KLF13: variants seen among roughly 807,000 people sequenced by gnomAD.
KLF13 encodes KLF transcription factor 13, also known as Krueppel-like factor 13.
KLF13 carries 8 observed loss-of-function variants against 16.7 expected under a neutral mutation model. The observed-to-expected ratio is 0.48, with a 90% CI of 0.28 to 0.87. The LOEUF (loss-of-function observed/expected upper bound fraction) is 0.87. Among genes scored for constraint, KLF13 ranks in the 40% least tolerant of loss-of-function variants. The pLI is 0.10. For missense variants in KLF13, 447 were observed against 452.2 expected (o/e 0.99, Z 0.10); for synonymous variants, 245 against 208.4 (o/e 1.18, Z -1.51).
chr15:31,401,129 T>C (rs1423544368), intron 2 of KLF13, among the ~76,000 whole-genome samples: 2 of 152,256 alleles, frequency 1.3e-5, no homozygotes, highest in South Asian at 4.1e-4. Flanking sequence ...GCCTACCAAG[T>C]AGCTGGGATT....
chr15:31,401,550 G>A lies in KLF13; in HGVS notation n.530-1878G>A, dbSNP rs1416173132. ...CACAGGGCCTGTGCTTGGGGTGAGA[G>A]CCTGTGCTGTGGAGCAGGAACCAGC... On this transcript the variant is annotated intron_variant and non_coding_transcript_variant, in intron 2 of 2. Transcript: ENST00000500533. Among the ~76,000 whole-genome samples, 4 of 152,334 alleles carry A rather than the reference G, an allele frequency of 2.6e-5. No individual in the cohort carries two copies. In the East Asian group the frequency reaches 7.7e-4, roughly 29 times the overall value.
At chr15:31,414,449 C>G (rs1024359815) in intron 1 of KLF13, among the ~76,000 whole-genome samples, 1 of 152,130 alleles carries the variant, frequency 6.6e-6, no homozygotes, top group Non-Finnish European at 1.5e-5. Context: ...AAAAAACATG[C>G]TTCTACTTAC....
At chr15:31,405,313 C>CA (rs955087000), downstream of KLF13, among the ~76,000 whole-genome samples, 10 of 151,926 alleles carry the variant, frequency 6.6e-5, no homozygotes, top group African/African-American at 1.2e-4. Flanking sequence ...GACTCCGTCT[C>CA]AAAAAAACAG....
chr15:31,333,524 T>G (rs924344850), intron 1 of KLF13, among the ~76,000 whole-genome samples: 6 of 152,180 alleles, frequency 3.9e-5, no homozygotes, highest in Admixed American at 1.3e-4. Flanking sequence ...GGTCATTGGG[T>G]AATATTTTGC....
At chr15:31,378,551 A>AG (rs2039684877), downstream of KLF13, among the ~76,000 whole-genome samples, 1 of 152,142 alleles carries the variant, frequency 6.6e-6, no homozygotes, top group Non-Finnish European at 1.5e-5. Context: ...CAGCTAGTGG[A>AG]GGAGGTGGCT....
At chr15:31,343,123 T>TGTGGTCATGAGTGGCCTCTTCTCTC (rs2039056777) in intron 1 of KLF13, among the ~76,000 whole-genome samples, 1 of 152,220 alleles carries the variant, frequency 6.6e-6, no homozygotes, top group Non-Finnish European at 1.5e-5. Flanking sequence ...GCTCTGCTCT[T>TGTGGTCATGAGTGGCCTCTTCTCTC]GTGGTCATGA....
chr15:31,433,533 G>C (rs1445840487), intron 1 of KLF13, among the ~76,000 whole-genome samples: 1 of 152,122 alleles, frequency 6.6e-6, no homozygotes, highest in Non-Finnish European at 1.5e-5. Flanking sequence ...TGTGTGCTCT[G>C]CACCCTGTAC....
rs1390506813 is a variant in KLF13, at chr15:31,375,081, T to TG, written c.*2785dup. On this transcript the variant is annotated 3_prime_UTR_variant, in exon 2 of 2. Coordinates refer to ENST00000307145, the MANE Select transcript of KLF13 (RefSeq NM_015995.4). ...GCGGTCCTTAGGCCCCGGCCTGGACTGGGAAATGGGGGTAGGGCACCAGGA... is the reference window on the plus strand; with the variant it reads ...GCGGTCCTTAGGCCCCGGCCTGGACTGGGGAAATGGGGGTAGGGCACCAGGA... 13 of 152,574 alleles carry TG rather than the reference T, an allele frequency of 8.5e-5. No homozygotes were observed. Among genetic ancestry groups the TG allele is most frequent in the Admixed American group, 2.6e-4 (4 of 15,288 alleles). 9.5% of individuals were successfully genotyped at this position (152,574 alleles called of 1,614,324 possible). A position where few individuals can be genotyped will look rare whatever the true frequency, so the allele number is the denominator to read the frequency against.
chr15:31,349,019 C>G (rs368668036), intron 1 of KLF13, among the ~76,000 whole-genome samples: 1 of 152,136 alleles, frequency 6.6e-6, no homozygotes, highest in East Asian at 1.9e-4. Flanking sequence ...GCCCCAATTC[C>G]TAAGACCATC....
chr15:31,431,869 A>T (rs1482802033), intron 1 of KLF13, among the ~76,000 whole-genome samples: 2 of 152,190 alleles, frequency 1.3e-5, no homozygotes, highest in Admixed American at 1.3e-4. Context: ...TGCGGATGCG[A>T]CCTTATCATT....
chr15:31,350,584 C>G (rs900161551), intron 1 of KLF13, among the ~76,000 whole-genome samples: 5 of 152,226 alleles, frequency 3.3e-5, no homozygotes, highest in African/African-American at 1.2e-4. Context: ...TTCTTTGTAC[C>G]TGTTCCATCC....
chr15:31,428,802 CAAAA>C (rs1218921356), intron 1 of KLF13, among the ~76,000 whole-genome samples: 147 of 61,888 alleles, frequency 2.4e-3, no homozygotes, highest in African/African-American at 9.2e-3. Flanking sequence ...GACTCTATCT[CAAAA>C]AAAAAAAAAA....
rs1412809460 is a variant in KLF13, at chr15:31,327,624, G to C, written c.412G>C (p.Gly138Arg). 2.2e-6 allele frequency: 3 copies of C among 1,355,632 alleles called. No homozygotes were observed. Among genetic ancestry groups the C allele is most frequent in the South Asian group, 1.6e-5 (1 of 63,344 alleles). The allele number at this position is 1,355,632 out of a possible 1,614,324, so 84.0% of individuals were successfully genotyped here. The stretch of plus-strand genomic sequence containing the variant: ...GGGGCTGGAGCCCGAGCGGGAGCCG[G>C]GGCCCGCGGGGAGCGGCGAGCCCGG... ...EAGLEPEREPGPAGSGEPGLR... is the reference protein window; with the variant it reads ...EAGLEPEREPRPAGSGEPGLR... The change falls in exon 1 of 2, where the codon GGG (glycine) becomes CGG (arginine). Residue 138 changes from glycine to arginine, a missense_variant. This residue lies in a region of KLF13 where 359 missense variants were observed against 282.8 expected (regional missense o/e 1.27). Coordinates refer to ENST00000307145, the MANE Select transcript of KLF13 (RefSeq NM_015995.4).
intron 1 of KLF13, among the ~76,000 whole-genome samples, chr15:31,387,554 A>G (rs2039808403): frequency 6.6e-6 from 1 of 152,166 alleles, no homozygotes; most frequent in African/African-American, 2.4e-5. Flanking sequence ...CTTTATTGTG[A>G]TATTTGCTTT....
rs926511247 is a variant in KLF13, at chr15:31,377,386, T to G, written c.*5087T>G. The G allele has an allele frequency of 6.6e-6, 1 of 152,628 alleles. No homozygotes were observed. Among genetic ancestry groups the G allele is most frequent in the Non-Finnish European group, 1.5e-5 (1 of 68,042 alleles). The allele number at this position is 152,628 out of a possible 1,614,324, so 9.5% of individuals were successfully genotyped here. ...CAGAAAGGAGGCACTACTGAGCAAC[T>G]ATGCATTGTCATTGTCGGGTTTGGG... On this transcript the variant is annotated 3_prime_UTR_variant, in exon 2 of 2. Transcript: ENST00000307145.
chr15:31,343,315 G>A (rs1010916551), intron 1 of KLF13, among the ~76,000 whole-genome samples: 6 of 152,260 alleles, frequency 3.9e-5, no homozygotes, highest in Admixed American at 3.9e-4. Context: ...AGTTGCCTTC[G>A]GGATTTCAGA....
chr15:31,327,182 A>T lies in KLF13; in HGVS notation c.-31A>T, dbSNP rs1316315324. On this transcript the variant is annotated 5_prime_UTR_variant, in exon 1 of 2. Transcript: ENST00000307145. ...GGATGCGCGGCTGACGACTCGCAGC[A>T]AGAGCACCGCCGCCGGCCCCAGCCC... 1.2e-5 allele frequency: 15 copies of T among 1,201,700 alleles called. No individual in the cohort carries two copies. In the East Asian group the frequency reaches 5.9e-4, roughly 47 times the overall value. The allele number at this position is 1,201,700 out of a possible 1,614,324, so 74.4% of individuals were successfully genotyped here.
At chr15:31,429,571 T>C (rs973126225) in intron 1 of KLF13, among the ~76,000 whole-genome samples, 8 of 152,102 alleles carry the variant, frequency 5.3e-5, no homozygotes, top group Non-Finnish European at 8.8e-5. Context: ...CACTTAAAAA[T>C]AGTTAAAATG....
chr15:31,415,342 C>T (rs1433143399), intron 1 of KLF13, among the ~76,000 whole-genome samples: 2 of 152,202 alleles, frequency 1.3e-5, no homozygotes, highest in Non-Finnish European at 2.9e-5. Context: ...AAAATGCATA[C>T]TCTTCTCAAG....
Sources: gnomAD v4.1 joint callset for allele counts (sites outside exome capture counted in the v4.1 genomes callset) on GRCh38, gnomAD v4.1.1 for gene constraint, gnomAD v4.1.1 regional missense constraint, MANE v1.5 for transcripts, NCBI Gene and HGNC (gene_info 2026-07-23, HGNC 2026-07-21) for gene names.